The following RCAN3 variants were observed in gnomAD, a reference collection of about 807,000 sequenced individuals.
The protein encoded by RCAN3 is regulator of calcineurin 3.
A neutral mutation model predicts 21.9 loss-of-function variants in RCAN3; 19 were observed. The observed-to-expected ratio is 0.87, with a 90% CI of 0.61 to 1.27. RCAN3 has a LOEUF of 1.27. Ranked by LOEUF, RCAN3 falls within the 50% of genes most tolerant of loss-of-function variation. The pLI, the probability that RCAN3 is intolerant of heterozygous loss-of-function variation, is 0.00. For synonymous variants in RCAN3, 114 were observed against 112.3 expected (o/e 1.01, Z -0.09); for missense variants, 240 against 300.1 (o/e 0.80, Z 1.48).
At chr1:24,515,427 GGTGTGTGTGTGTGTGTGTGTGTGT>G (rs67348372) in intron 2 of RCAN3, among the ~76,000 whole-genome samples, 2 of 146,380 alleles carry the variant, frequency 1.4e-5, no homozygotes, top group Non-Finnish European at 3.0e-5. Context: ...TAGAAAGAGA[GGTGTGTGTGTGTGTGTGTGTGTGT>G]GTGTGTGTGT....
rs1443304207 is a variant in RCAN3 at position 24,537,373 on chromosome 1, T to G, written c.*2096T>G. 1 of 152,130 alleles carries G rather than the reference T, an allele frequency of 6.6e-6. No homozygotes were observed. Among genetic ancestry groups the G allele is most frequent in the Non-Finnish European group, 1.5e-5 (1 of 68,028 alleles). 9.4% of individuals were successfully genotyped at this position (152,130 alleles called of 1,614,324 possible). ...TGGAAAGTATTAATATTTTCATTTTTCTAGTATAATATAATAAAATGAATT... is the reference window on the plus strand; with the variant it reads ...TGGAAAGTATTAATATTTTCATTTTGCTAGTATAATATAATAAAATGAATT... On this transcript the variant is annotated 3_prime_UTR_variant, in exon 5 of 5. Coordinates refer to ENST00000374395, the MANE Select transcript of RCAN3 (RefSeq NM_013441.4).
At chr1:24,528,846 T>C (rs1377848434) in intron 2 of RCAN3, among the ~76,000 whole-genome samples, 1 of 152,130 alleles carries the variant, frequency 6.6e-6, no homozygotes, top group Non-Finnish European at 1.5e-5. Context: ...AGGAGCTGGA[T>C]ATACTGAACA....
chr1:24,526,266 A>G (rs1232481645), intron 2 of RCAN3, among the ~76,000 whole-genome samples: 1 of 151,966 alleles, frequency 6.6e-6, no homozygotes, highest in Non-Finnish European at 1.5e-5. Context: ...TAATTATTTA[A>G]TTGTTTGTAG....
intron 1 of RCAN3, among the ~76,000 whole-genome samples, chr1:24,507,006 T>G (rs559229283): frequency 6.6e-5 from 10 of 152,258 alleles, no homozygotes; most frequent in Admixed American, 5.2e-4. Flanking sequence ...CTCTAAGAGA[T>G]AAGATACAAA....
chr1:24,507,782 T>C (rs1570442523), intron 1 of RCAN3: 1 of 152,174 alleles, frequency 6.6e-6, no homozygotes, highest in African/African-American at 2.4e-5. Flanking sequence ...ATATATTCAA[T>C]AGAAAGTGAA....
At chr1:24,521,582 T>C (rs1003747246) in intron 2 of RCAN3, among the ~76,000 whole-genome samples, 1 of 152,186 alleles carries the variant, frequency 6.6e-6, no homozygotes, top group Non-Finnish European at 1.5e-5. Flanking sequence ...GCAAAGTGGC[T>C]CACGCCTGTA....
chr1:24,526,108 G>C lies in RCAN3; in HGVS notation c.196-5110G>C, dbSNP rs557483524. Among the ~76,000 whole-genome samples, 18 of 152,224 alleles carry C rather than the reference G, an allele frequency of 1.2e-4. No homozygotes were observed. In the South Asian group the frequency reaches 3.5e-3, roughly 30 times the overall value. ...TTTTTGTATAATTCTTTTTAAGAGA[G>C]AGAGACAGGGTCTCACTCTGTTGCC... is the stretch of plus-strand genomic sequence containing the variant. On this transcript the variant is annotated intron_variant, in intron 2 of 4. Transcript: ENST00000374395.
At position 24,540,909 on chromosome 1, in the gene RCAN3, A is replaced by G. The variant is rs1206589081; in HGVS notation, c.*5632A>G. On this transcript the variant is annotated 3_prime_UTR_variant, in exon 5 of 5. Coordinates refer to ENST00000374395, the MANE Select transcript of RCAN3 (RefSeq NM_013441.4). ...CAACTTTACCCTGTGTTTTAAGGACATCTAAACATTCCTTGTCCTATCAAG... is the reference window on the plus strand; with the variant it reads ...CAACTTTACCCTGTGTTTTAAGGACGTCTAAACATTCCTTGTCCTATCAAG... 2 of 152,232 alleles carry G rather than the reference A, an allele frequency of 1.3e-5. No homozygotes were observed. The highest frequency in any genetic ancestry group is 2.9e-5 in the Non-Finnish European group (2 of 68,034). 9.4% of individuals were successfully genotyped at this position (152,232 alleles called of 1,614,324 possible). A position where few individuals can be genotyped will look rare whatever the true frequency, so the allele number is the denominator to read the frequency against.
Position 24,535,285 on chromosome 1 carries a change from G to A in RCAN3, c.*8G>A, listed in dbSNP as rs571999692. 43 of 1,526,130 alleles carry A rather than the reference G, an allele frequency of 2.8e-5. No individual in the cohort carries two copies. Among genetic ancestry groups the A allele is most frequent in the South Asian group, 2.7e-5 (2 of 74,854 alleles). 94.5% of individuals were successfully genotyped at this position (1,526,130 alleles called of 1,614,324 possible). On this transcript the variant is annotated 3_prime_UTR_variant, in exon 5 of 5. Transcript: ENST00000374395. ...TTTGATTGCGCGCTGTGAGGCCCTT[G>A]GTTGTGGTGCGAGGCGGCTGCCCTG...
chr1:24,524,828 G>GTTTTTTTTTTTTTTT (rs5773091), intron 2 of RCAN3, among the ~76,000 whole-genome samples: 1 of 127,230 alleles, frequency 7.9e-6, no homozygotes, highest in African/African-American at 3.0e-5. Flanking sequence ...GTTTTCTTTT[G>GTTTTTTTTTTTTTTT]TTTTTTTTTT....
intron 2 of RCAN3, among the ~76,000 whole-genome samples, chr1:24,517,927 G>A (rs1648473184): frequency 6.6e-6 from 1 of 152,190 alleles, no homozygotes; most frequent in African/African-American, 2.4e-5. Context: ...CCTGAAATCA[G>A]CTGTTTATTC....
intron 4 of RCAN3, among the ~76,000 whole-genome samples, chr1:24,534,833 C>A (rs970572513): frequency 1.3e-5 from 2 of 152,156 alleles, no homozygotes; most frequent in Non-Finnish European, 2.9e-5. Context: ...CAGATTAACT[C>A]ATATTATTCA....
At chr1:24,523,308 G>A (rs552250381) in intron 2 of RCAN3, among the ~76,000 whole-genome samples, 112 of 151,986 alleles carry the variant, frequency 7.4e-4, no homozygotes, top group African/African-American at 2.6e-3. Context: ...CAGGTGATCC[G>A]CCCGCCTTGG....
intron 1 of RCAN3, among the ~76,000 whole-genome samples, chr1:24,508,893 G>A (rs1647669646): frequency 6.6e-6 from 1 of 152,146 alleles, no homozygotes; most frequent in Non-Finnish European, 1.5e-5. Context: ...TGGTGTGGTG[G>A]CTCACACCTA....
At chr1:24,527,785 A>T (rs1056975273) in intron 2 of RCAN3, among the ~76,000 whole-genome samples, 1 of 152,206 alleles carries the variant, frequency 6.6e-6, no homozygotes, top group African/African-American at 2.4e-5. Context: ...ATTTTATTGC[A>T]TTTCATTTAT....
At chr1:24,533,390 G>A (rs983689154) in intron 4 of RCAN3, 136 bp downstream of exon 4, 4 of 612,574 alleles carry the variant, frequency 6.5e-6, no homozygotes, top group African/African-American at 5.7e-5. Context: ...GATTCCAGCT[G>A]TGGCATCTGC....
chr1:24,518,751 T>A (rs1261719551), intron 2 of RCAN3, among the ~76,000 whole-genome samples: 1 of 151,048 alleles, frequency 6.6e-6, no homozygotes, highest in African/African-American at 2.4e-5. Flanking sequence ...CACCAGCACA[T>A]CCAGCTAATT....
intron 2 of RCAN3, among the ~76,000 whole-genome samples, chr1:24,518,779 T>C (rs1462222088): frequency 6.6e-6 from 1 of 151,502 alleles, no homozygotes. Context: ...TATTTATTTA[T>C]TTATTTATTT....
Position 24,525,909 on chromosome 1 carries a change from A to G in RCAN3, c.196-5309A>G, listed in dbSNP as rs72884422. 1.5e-3 allele frequency among the ~76,000 whole-genome samples: 221 copies of G among 152,280 alleles called. 1 individual carries two copies. The highest frequency in any genetic ancestry group is 5.2e-3 in the African/African-American group (215 of 41,568). ...TCGTAACCATTTTTCACAAATAGGA[A>G]ACTGATGGTTTTGCCTCCAAGTTAA... On this transcript the variant is annotated intron_variant, in intron 2 of 4. Transcript: ENST00000374395. This position sits in a 1 kb window ranked among gnomAD's most constrained non-coding sequence, Gnocchi z 4.1.
Sources: allele counts gnomAD v4.1 joint callset (sites outside exome capture counted in the v4.1 genomes callset), GRCh38; gene constraint gnomAD v4.1.1; non-coding constraint Gnocchi (gnomAD v3.1); transcripts MANE v1.5; gene names NCBI Gene and HGNC (gene_info 2026-07-23, HGNC 2026-07-21).